The following EEF2K variants were observed in gnomAD, a reference collection of about 807,000 sequenced individuals.
The protein encoded by EEF2K is alternative protein EEF2K.
EEF2K carries 70 observed loss-of-function variants against 93.8 expected under a neutral mutation model. That is an observed-to-expected ratio of 0.75 (90% confidence interval 0.62 to 0.91). The LOEUF is 0.91. Ranked by LOEUF, EEF2K falls within the 40% of genes least tolerant of loss-of-function variation. The probability of loss-of-function intolerance (pLI) is 0.00; values close to 1 mark genes in which losing one functional copy is unlikely to be tolerated. For missense variants in EEF2K, 935 were observed against 972.9 expected (o/e 0.96, Z 0.52); for synonymous variants, 376 against 380.8 (o/e 0.99, Z 0.15).
intron 1 of EEF2K, among the ~76,000 whole-genome samples, chr16:22,207,776 C>T (rs1269020146): frequency 6.6e-6 from 1 of 152,108 alleles, no homozygotes; most frequent in African/African-American, 2.4e-5. Context: ...GTCACATAAA[C>T]AGATTCTAAA....
intron 1 of EEF2K, among the ~76,000 whole-genome samples, chr16:22,206,916 T>A (rs1008918989): frequency 6.6e-6 from 1 of 152,210 alleles, no homozygotes; most frequent in East Asian, 1.9e-4. Flanking sequence ...GATGTGGATA[T>A]GGAAAGCAAT....
intron 2 of EEF2K, among the ~76,000 whole-genome samples, chr16:22,226,661 T>C (rs2142107637): frequency 6.6e-6 from 1 of 152,060 alleles, no homozygotes; most frequent in East Asian, 1.9e-4. Flanking sequence ...GATTATAGGC[T>C]TGTACCACTA....
intron 5 of EEF2K, among the ~76,000 whole-genome samples, 176 bp downstream of exon 5, chr16:22,250,867 G>C (rs1053253528): frequency 2.0e-5 from 3 of 152,156 alleles, no homozygotes; most frequent in African/African-American, 4.8e-5. Context: ...TGGCTGTGAC[G>C]ATGGGCTCAG....
intron 1 of EEF2K, among the ~76,000 whole-genome samples, chr16:22,223,389 T>C (rs2142105216): frequency 6.6e-6 from 1 of 150,912 alleles, no homozygotes. Flanking sequence ...GGCAATTCTC[T>C]CACCTCAGCC....
chr16:22,265,214 A>T (rs746257936), intron 13 of EEF2K: 12 of 220,374 alleles, frequency 5.4e-5, no homozygotes, highest in Non-Finnish European at 1.0e-4. Context: ...AGACAGGCTA[A>T]TGTGACTCTC....
intron 13 of EEF2K, among the ~76,000 whole-genome samples, chr16:22,265,988 C>G (rs557771193): frequency 6.6e-6 from 1 of 152,052 alleles, no homozygotes; most frequent in Non-Finnish European, 1.5e-5. Flanking sequence ...GATGGGGAAG[C>G]GCTTCCTTGA....
chr16:22,217,196 G>T (rs1253136609), intron 1 of EEF2K, among the ~76,000 whole-genome samples: 4 of 144,134 alleles, frequency 2.8e-5, no homozygotes, highest in African/African-American at 1.1e-4. Flanking sequence ...ATCAGGAAGC[G>T]TATTATTTAG....
At chr16:22,241,930 A>G (rs1466120577) in intron 2 of EEF2K, among the ~76,000 whole-genome samples, 2 of 151,878 alleles carry the variant, frequency 1.3e-5, no homozygotes, top group African/African-American at 4.8e-5. Flanking sequence ...GGAGTTCGAG[A>G]CCAGCCTGGG....
At chr16:22,259,026 AAAATC>A (rs1309977470) in intron 10 of EEF2K, among the ~76,000 whole-genome samples, 1 of 152,234 alleles carries the variant, frequency 6.6e-6, no homozygotes. Context: ...GAACAAAAAA[AAAATC>A]TAAATAGATA....
At chr16:22,239,674 G>T (rs986373806) in intron 2 of EEF2K, among the ~76,000 whole-genome samples, 3 of 152,188 alleles carry the variant, frequency 2.0e-5, no homozygotes, top group Non-Finnish European at 4.4e-5. Context: ...AGCCAGGCAT[G>T]ATGGCAAGCG....
chr16:22,278,763 C>A (rs184064672), intron 16 of EEF2K, among the ~76,000 whole-genome samples: 5 of 152,188 alleles, frequency 3.3e-5, no homozygotes, highest in Non-Finnish European at 7.4e-5. Context: ...AAGAGCCCTC[C>A]GCCCTGTTTG....
chr16:22,224,653 GAAAAGA>G (rs1229695622), intron 1 of EEF2K, among the ~76,000 whole-genome samples: 20 of 123,504 alleles, frequency 1.6e-4, no homozygotes, highest in Non-Finnish European at 9.7e-5. Context: ...AAAAAGAAAA[GAAAAGA>G]AAAAGAAAAA....
intron 3 of EEF2K, among the ~76,000 whole-genome samples, chr16:22,247,411 G>A (rs1750600664): frequency 6.6e-6 from 1 of 150,952 alleles, no homozygotes; most frequent in African/African-American, 2.4e-5. Context: ...TTGCTCCACT[G>A]CACTCCAGCC....
chr16:22,226,044 G>A lies in EEF2K; in HGVS notation c.246+69G>A. The stretch of plus-strand genomic sequence containing the variant: ...CTGTAAGGGATGGAGGGTTGGAGTC[G>A]CTGGTTGGGGACTTCTTCGTATTTC... On this transcript the variant is annotated intron_variant, in intron 2 of 17. Coordinates refer to ENST00000263026, the MANE Select transcript of EEF2K (RefSeq NM_013302.5). The A allele has an allele frequency of 5.7e-6, 9 of 1,576,084 alleles. No individual in the cohort carries two copies. In the South Asian group the frequency reaches 8.3e-5, roughly 15 times the overall value.
intron 1 of EEF2K, among the ~76,000 whole-genome samples, chr16:22,209,478 A>G (rs2046894631): frequency 6.6e-6 from 1 of 152,196 alleles, no homozygotes; most frequent in Admixed American, 6.5e-5. Flanking sequence ...GGACTTGTTC[A>G]AGCTCGTTCT....
At chr16:22,263,285 G>A in intron 12 of EEF2K, 98 bp downstream of exon 12, 1 of 1,100,514 alleles carries the variant, frequency 9.1e-7, no homozygotes, top group South Asian at 1.6e-5. Context: ...AATATGAGTG[G>A]GTCCTGAGAA....
chr16:22,226,083 G>C (rs1432189179), intron 2 of EEF2K, 108 bp downstream of exon 2: 2 of 1,490,102 alleles, frequency 1.3e-6, no homozygotes, highest in African/African-American at 1.4e-5. Flanking sequence ...ACCCTGGACA[G>C]TGCTCTAAAC....
At chr16:22,228,009 T>TTC (rs2047080257) in intron 2 of EEF2K, among the ~76,000 whole-genome samples, 1 of 125,228 alleles carries the variant, frequency 8.0e-6, no homozygotes. Context: ...CCAAATTCTT[T>TTC]TTTTTTTTTT....
chr16:22,230,927 A>G (rs370828168), intron 2 of EEF2K, among the ~76,000 whole-genome samples: 10 of 151,390 alleles, frequency 6.6e-5, no homozygotes, highest in South Asian at 6.3e-4. Context: ...ACGCCTGGCC[A>G]TGATTTCACT....
Sources: allele counts gnomAD v4.1 joint callset (sites outside exome capture counted in the v4.1 genomes callset), GRCh38; gene constraint gnomAD v4.1.1; transcripts MANE v1.5; gene names NCBI Gene and HGNC (gene_info 2026-07-23, HGNC 2026-07-21).